ZKSCAN7: variants seen among roughly 807,000 people sequenced by gnomAD.
ZKSCAN7 encodes the protein zinc finger protein with KRAB and SCAN domains 7.
Under a neutral mutation model 65.3 loss-of-function variants are expected in ZKSCAN7, and 38 were observed. The ratio of observed to expected loss-of-function variants is 0.58; its 90% CI spans 0.45 to 0.76. ZKSCAN7 has a LOEUF of 0.76. ZKSCAN7 is among the 30% of genes least tolerant of loss of function. The pLI, the probability that ZKSCAN7 is intolerant of heterozygous loss-of-function variation, is 0.00. For missense variants in ZKSCAN7, 815 were observed against 913.3 expected (o/e 0.89, Z 1.39); for synonymous variants, 321 against 321.0 (o/e 1.00, Z 0.00).
At position 44,581,041 on chromosome 3, in the gene ZKSCAN7, C is replaced by T. The variant is rs571800467; in HGVS notation, c.812-1931C>T. 107 of 1,535,876 alleles carry T rather than the reference C, an allele frequency of 7.0e-5. 1 individual carries two copies. The East Asian group carries it at 8.0e-4, about 11-fold the overall frequency. On this transcript the variant is annotated intron_variant, in intron 5 of 5. Coordinates refer to the ZKSCAN7 transcript ENST00000341840. ...GCTGCCGACATGGTCGGCGCGGCGG[C>T]GGCGGCGGCGCAGGCCCGGCCGGCC...
At chr3:44,572,280 A>G, downstream of ZKSCAN7, 3 of 962,372 alleles carry the variant, frequency 3.1e-6, no homozygotes, top group Non-Finnish European at 3.7e-6. Context: ...GGTCTTACTG[A>G]TATCTTTTAC....
chr3:44,574,863 G>A (rs921070785), downstream of ZKSCAN7, among the ~76,000 whole-genome samples: 7 of 152,188 alleles, frequency 4.6e-5, no homozygotes, highest in African/African-American at 1.7e-4. Flanking sequence ...CTGGGAGGTG[G>A]AGACTGCAGT....
At chr3:44,559,714 A>C (rs1007223983) in intron 2 of ZKSCAN7, among the ~76,000 whole-genome samples, 8 of 152,248 alleles carry the variant, frequency 5.3e-5, no homozygotes, top group African/African-American at 1.9e-4. Flanking sequence ...GGTGTGAGCC[A>C]TCACGCTCAG....
rs1699748915 is a variant in ZKSCAN7, at chr3:44,570,016, T to TG, written c.910dup (p.Val304GlyfsTer13). 1.2e-6 allele frequency: 2 copies of TG among 1,613,330 alleles called. No homozygotes were observed. Among genetic ancestry groups the TG allele is most frequent in the African/African-American group, 1.3e-5 (1 of 74,960 alleles). Reference sequence around the variant, plus strand: ...CTAACAGGACATCAGGGGGACTCTTTGGGGTGGTTCCTGGGGCAGCAGAGA... The same window carrying TG: ...CTAACAGGACATCAGGGGGACTCTTTGGGGGTGGTTCCTGGGGCAGCAGAGA... On this transcript the variant is annotated frameshift_variant, in exon 6 of 6. Transcript: ENST00000426540. LOFTEE classifies it high-confidence loss of function.
rs138186292 is a variant in ZKSCAN7, at chr3:44,568,357, G to T, written c.735G>T (p.Trp245Cys). Residue 245 changes from tryptophan to cysteine, a missense_variant, in exon 5 of 6, where the codon TGG (tryptophan) becomes TGT (cysteine). Coordinates refer to ENST00000426540, the MANE Select transcript of ZKSCAN7 (RefSeq NM_001288590.2). Reference protein sequence around the residue: ...DLSVDYTQKKWKSLTLSQRAL... With the variant: ...DLSVDYTQKKCKSLTLSQRAL... Reference sequence around the variant, plus strand: ...CTGTAGACTACACTCAGAAGAAATGGAAAAGTCTCACACTCAGTCAGAGAG... The same window carrying T: ...CTGTAGACTACACTCAGAAGAAATGTAAAAGTCTCACACTCAGTCAGAGAG... 112 of 1,614,124 alleles carry T rather than the reference G, an allele frequency of 6.9e-5. No individual in the cohort carries two copies. The East Asian group carries it at 2.5e-3, about 35-fold the overall frequency.
intron 5 of ZKSCAN7, chr3:44,580,211 GTGTT>G: frequency 6.2e-7 from 1 of 1,611,824 alleles, no homozygotes; most frequent in South Asian, 1.1e-5. Flanking sequence ...CCTTCAAGTC[GTGTT>G]TGGTCTTCTC....
intron 5 of ZKSCAN7, 50 bp downstream of exon 5, chr3:44,568,483 C>G: frequency 6.3e-7 from 1 of 1,582,374 alleles, no homozygotes. Flanking sequence ...TGCACAATCT[C>G]TTTTCTATAT....
At chr3:44,572,849 C>CAAAAAA (rs11339297), downstream of ZKSCAN7, among the ~76,000 whole-genome samples, 184 of 72,404 alleles carry the variant, frequency 2.5e-3, 9 homozygotes, top group African/African-American at 9.0e-3. Context: ...GACTCTGTCT[C>CAAAAAA]AAAAAAAAAA....
Position 44,557,120 on chromosome 3 carries a change from C to CT in ZKSCAN7, c.74dup (p.Thr26AspfsTer75). ...TGCTTTCCAGAAGCAAGAGGGGCGC[C>CT]TGACTGTGAAGCAGGAGCCAGCAAA... On this transcript the variant is annotated frameshift_variant, in exon 2 of 6. Coordinates refer to ENST00000426540, the MANE Select transcript of ZKSCAN7 (RefSeq NM_001288590.2). LOFTEE classifies it high-confidence loss of function. 1 of 1,614,250 alleles carries CT rather than the reference C, an allele frequency of 6.2e-7. No homozygotes were observed. The highest frequency in any genetic ancestry group is 8.5e-7 in the Non-Finnish European group (1 of 1,180,048).
At chr3:44,569,849 T>G in intron 5 of ZKSCAN7, 73 bp from the exon 6 acceptor site, 1 of 1,465,840 alleles carries the variant, frequency 6.8e-7, no homozygotes, top group African/African-American at 1.4e-5. Context: ...TCAGGTATGT[T>G]AGCTCTTAAT....
In ZKSCAN7 at chr3:44,571,944, T is replaced by A. The variant is rs1022726856; in HGVS notation, c.*569T>A. ...ATACTTTCTTCTTCAAGTACTTTTT[T>A]ATTTTTCTTCAACTTCTCTTGATTT... On this transcript the variant is annotated 3_prime_UTR_variant, in exon 6 of 6. Coordinates refer to ENST00000426540, the MANE Select transcript of ZKSCAN7 (RefSeq NM_001288590.2). The A allele has an allele frequency of 2.0e-6, 2 of 986,514 alleles. No homozygotes were observed. The highest frequency in any genetic ancestry group is 2.4e-6 in the Non-Finnish European group (2 of 830,690). 61.1% of individuals were successfully genotyped at this position (986,514 alleles called of 1,614,324 possible).
chr3:44,569,687 C>T (rs1160925084), intron 5 of ZKSCAN7, among the ~76,000 whole-genome samples: 1 of 152,062 alleles, frequency 6.6e-6, no homozygotes, highest in Non-Finnish European at 1.5e-5. Context: ...GTTGTGCTGG[C>T]TTAGTATCTT....
chr3:44,568,137 G>A lies in ZKSCAN7; in HGVS notation c.684+134G>A, dbSNP rs529182224. 8 of 1,538,518 alleles carry A rather than the reference G, an allele frequency of 5.2e-6. No homozygotes were observed. In the East Asian group the frequency reaches 7.0e-5, roughly 14 times the overall value. ...CTCCTGCCTCATTACTTCCCCTGGAGGTAATGGACTCTATCTTGCCCTGGA... is the reference window on the plus strand; with the variant it reads ...CTCCTGCCTCATTACTTCCCCTGGAAGTAATGGACTCTATCTTGCCCTGGA... On this transcript the variant is annotated intron_variant, in intron 4 of 5. Transcript: ENST00000426540.
chr3:44,576,609 G>A (rs951347049), downstream of ZKSCAN7, among the ~76,000 whole-genome samples: 8 of 152,014 alleles, frequency 5.3e-5, no homozygotes, highest in African/African-American at 1.9e-4. Context: ...GAATGACAAG[G>A]GCTTTCCAGT....
In ZKSCAN7 at chr3:44,570,382, C is replaced by T; in HGVS notation, c.1272C>T (p.Ser424=). The part of the protein sequence containing the change: ...NECGKTFRQT[S]QLIVHLRTHT... ...GTGGGAAGACCTTCAGGCAAACCTC[C>T]CAGCTCATTGTTCATCTCAGAACCC... The change falls in exon 6 of 6, where the codon TCC becomes TCT. Residue 424 remains serine (S), a synonymous_variant. Coordinates refer to ENST00000426540, the MANE Select transcript of ZKSCAN7 (RefSeq NM_001288590.2). 1 of 1,613,582 alleles carries T rather than the reference C, an allele frequency of 6.2e-7. No individual in the cohort carries two copies. Among genetic ancestry groups the T allele is most frequent in the Non-Finnish European group, 8.5e-7 (1 of 1,179,820 alleles).
chr3:44,572,723 G>A (rs1966821), downstream of ZKSCAN7, among the ~76,000 whole-genome samples: 48,897 of 150,840 alleles, frequency 0.32, 8,649 homozygotes, highest in African/African-American at 0.41. Flanking sequence ...GGTGGGGGGC[G>A]CCTGTAGTCC....
chr3:44,579,190 C>T (rs1439389841), intron 5 of ZKSCAN7, among the ~76,000 whole-genome samples: 1 of 152,254 alleles, frequency 6.6e-6, no homozygotes, highest in Non-Finnish European at 1.5e-5. Flanking sequence ...TCCGGTCCAC[C>T]TCCATGCGCA....
chr3:44,580,273 T>C, intron 5 of ZKSCAN7: 2 of 1,613,918 alleles, frequency 1.2e-6, no homozygotes, highest in South Asian at 2.2e-5. Context: ...CCACAGTCCA[T>C]GCGGTCGCTA....
At chr3:44,559,844 A>G (rs186858908) in intron 2 of ZKSCAN7, among the ~76,000 whole-genome samples, 1 of 152,342 alleles carries the variant, frequency 6.6e-6, no homozygotes, top group East Asian at 1.9e-4. Context: ...GTCATTATCA[A>G]CCATCATTTT....
Sources: allele counts gnomAD v4.1 joint callset (sites outside exome capture counted in the v4.1 genomes callset), GRCh38; gene constraint gnomAD v4.1.1; transcripts MANE v1.5; gene names NCBI Gene and HGNC (gene_info 2026-07-23, HGNC 2026-07-21).